The following PDGFB variants were observed in gnomAD, a reference collection of about 807,000 sequenced individuals.
PDGFB encodes platelet derived growth factor subunit B, also known as platelet-derived growth factor subunit B.
PDGFB carries 6 observed loss-of-function variants against 29.0 expected under a neutral mutation model. The observed-to-expected ratio is 0.21, with a 90% CI of 0.11 to 0.41. PDGFB has a LOEUF of 0.41. Among genes scored for constraint, PDGFB ranks in the 10% least tolerant of loss-of-function variants. PDGFB has a pLI of 1.00. For synonymous variants in PDGFB, 144 were observed against 140.8 expected (o/e 1.02, Z -0.16); for missense variants, 299 against 341.8 (o/e 0.87, Z 0.99).
chr22:39,239,738 C>T (rs1050853921), intron 1 of PDGFB, among the ~76,000 whole-genome samples: 2 of 152,220 alleles, frequency 1.3e-5, no homozygotes, highest in Admixed American at 6.5e-5. Flanking sequence ...CCGCCCCCAG[C>T]GCCAGCTGCA....
chr22:39,243,246 C>T lies in PDGFB; in HGVS notation c.63+655G>A, dbSNP rs1223090083. 1.6e-5 allele frequency among the ~76,000 whole-genome samples: 2 copies of T among 121,540 alleles called. No individual in the cohort carries two copies. The highest frequency in any genetic ancestry group is 5.7e-4 in the East Asian group (2 of 3,494). 79.7% of individuals were successfully genotyped at this position (121,540 alleles called of 152,430 possible). A position where few individuals can be genotyped will look rare whatever the true frequency, so the allele number is the denominator to read the frequency against. ...TCTCTCCCTCTCTCTCTCCGTCTCT[C>T]TCTCCGTCTCTCTCTCTCTCTCTCT... is the stretch of plus-strand genomic sequence containing the variant. On this transcript the variant is annotated intron_variant, in intron 1 of 6. Coordinates refer to ENST00000331163, the MANE Select transcript of PDGFB (RefSeq NM_002608.4). The surrounding 1 kb of genome is among the most constrained non-coding windows in gnomAD (Gnocchi z 6.4).
intron 3 of PDGFB, among the ~76,000 whole-genome samples, 177 bp downstream of exon 3, chr22:39,233,258 A>G (rs903685421): frequency 6.6e-6 from 1 of 152,146 alleles, no homozygotes; most frequent in African/African-American, 2.4e-5. Context: ...GGCTGTGATG[A>G]CTGAACACAG....
At chr22:39,234,269 T>C (rs1382198623) in intron 2 of PDGFB, among the ~76,000 whole-genome samples, 1 of 152,184 alleles carries the variant, frequency 6.6e-6, no homozygotes, top group Non-Finnish European at 1.5e-5. Flanking sequence ...CTCCCTTTTC[T>C]AGCCTGGGCA....
rs114630100 is a variant in PDGFB, at chr22:39,224,975, G to A, written c.*367C>T. Reference sequence around the variant, plus strand: ...AGGGCTCCTCAGGACAGTCCACAGCGCTCAGGTGTGGCCCAGGCCAGGTGC... The same window carrying A: ...AGGGCTCCTCAGGACAGTCCACAGCACTCAGGTGTGGCCCAGGCCAGGTGC... On this transcript the variant is annotated 3_prime_UTR_variant, in exon 7 of 7. Coordinates refer to ENST00000331163, the MANE Select transcript of PDGFB (RefSeq NM_002608.4). 7.8e-3 allele frequency: 1,200 copies of A among 153,106 alleles called. 7 individuals are homozygous for A. Among genetic ancestry groups the A allele is most frequent in the Middle Eastern group, 0.02 (6 of 298 alleles). The allele number at this position is 153,106 out of a possible 1,614,324, so 9.5% of individuals were successfully genotyped here. A position where few individuals can be genotyped will look rare whatever the true frequency, so the allele number is the denominator to read the frequency against.
rs1347158685 is a variant in PDGFB, at chr22:39,242,274, G to C, written c.63+1627C>G. 1 of 211,830 alleles carries C rather than the reference G, an allele frequency of 4.7e-6. No homozygotes were observed. The highest frequency in any genetic ancestry group is 9.6e-6 in the Non-Finnish European group (1 of 104,568). 13.1% of individuals were successfully genotyped at this position (211,830 alleles called of 1,614,324 possible). A position where few individuals can be genotyped will look rare whatever the true frequency, so the allele number is the denominator to read the frequency against. The stretch of plus-strand genomic sequence containing the variant: ...CCCGCCGGAGCGCAGCATCGCCTCC[G>C]GCCAGGAGTGTGCATGCGTGGGGTG... On this transcript the variant is annotated intron_variant, in intron 1 of 6. Transcript: ENST00000331163. The surrounding 1 kb of genome is among the most constrained non-coding windows in gnomAD (Gnocchi z 5.7).
chr22:39,225,980 T>A, intron 5 of PDGFB, 133 bp from the exon 6 acceptor site: 1 of 1,014,278 alleles, frequency 9.9e-7, no homozygotes, highest in Non-Finnish European at 1.4e-6. Context: ...GGGTCCTGGG[T>A]TTGGATCCCA....
Position 39,243,763 on chromosome 22 carries a change from A to G in PDGFB, c.63+138T>C. On this transcript the variant is annotated intron_variant, in intron 1 of 6. Transcript: ENST00000331163. This position sits in a 1 kb window ranked among gnomAD's most constrained non-coding sequence, Gnocchi z 6.4. ...CCCCCGGACCTCGCTCCCAGCCCGAAGAGGTCACCCAGCGCCCGGCGTCAG... is the reference window on the plus strand; with the variant it reads ...CCCCCGGACCTCGCTCCCAGCCCGAGGAGGTCACCCAGCGCCCGGCGTCAG... The G allele has an allele frequency of 1.7e-6, 1 of 605,678 alleles. No homozygotes were observed. The highest frequency in any genetic ancestry group is 2.9e-6 in the Non-Finnish European group (1 of 348,148). 37.5% of individuals were successfully genotyped at this position (605,678 alleles called of 1,614,324 possible).
In PDGFB at chr22:39,241,551, C is replaced by T. The variant is rs375126967; in HGVS notation, c.63+2350G>A. 7.1e-4 allele frequency among the ~76,000 whole-genome samples: 108 copies of T among 152,370 alleles called. 1 individual carries two copies. Among genetic ancestry groups the T allele is most frequent in the African/African-American group, 2.5e-3 (106 of 41,592 alleles). On this transcript the variant is annotated intron_variant, in intron 1 of 6. Transcript: ENST00000331163. ...GAGAAAGGCAGTTTCTGTGCCACAG[C>T]CTCCACCCCAGATACACGAGCCCGT...
In PDGFB at chr22:39,233,523, C is replaced by T; in HGVS notation, c.162G>A (p.Glu54=). 6.3e-7 allele frequency: 1 copy of T among 1,585,800 alleles called. No individual in the cohort carries two copies. Among genetic ancestry groups the T allele is most frequent in the Non-Finnish European group, 8.6e-7 (1 of 1,168,026 alleles). ...LQRLLHGDPG[E]EDGAELDLNM... The stretch of plus-strand genomic sequence containing the variant: ...TCAGGTCCAACTCGGCCCCATCTTC[C>T]TCTGCAGGAGAAGTCACAGTCAGAC... Residue 54 remains glutamate, a splice_region_variant and synonymous_variant, in exon 3 of 7, where the codon GAG becomes GAA. Transcript: ENST00000331163.
intron 1 of PDGFB, among the ~76,000 whole-genome samples, chr22:39,240,506 G>GT (rs869226036): frequency 1.7e-4 from 6 of 35,578 alleles, no homozygotes; most frequent in Non-Finnish European, 4.6e-4. Flanking sequence ...CTCTCAAGAT[G>GT]GGGGGCTTTG....
At chr22:39,236,496 C>T (rs573252902) in intron 1 of PDGFB, among the ~76,000 whole-genome samples, 7 of 152,226 alleles carry the variant, frequency 4.6e-5, no homozygotes, top group Non-Finnish European at 1.0e-4. Context: ...CGGACACGGC[C>T]GGGAAACCTG....
intron 5 of PDGFB, among the ~76,000 whole-genome samples, chr22:39,228,519 G>A (rs1317863194): frequency 6.6e-6 from 1 of 151,978 alleles, no homozygotes; most frequent in Non-Finnish European, 1.5e-5. Flanking sequence ...AGCCCAGGAA[G>A]GAGTTCAAGG....
chr22:39,228,426 A>C (rs1932217281), intron 5 of PDGFB, among the ~76,000 whole-genome samples: 1 of 151,578 alleles, frequency 6.6e-6, no homozygotes, highest in Admixed American at 6.6e-5. Context: ...TCATCTCTAC[A>C]AAAACTTAAA....
Position 39,235,889 on chromosome 22 carries a change from C to A in PDGFB, c.64-15G>T, listed in dbSNP as rs1345811839. ...ATGGGGTCCCCCTGCCGGGCAGACA[C>A]CAAAAGGCTGAGTGAGCTGGGAGTG... is the stretch of plus-strand genomic sequence containing the variant. On this transcript the variant is annotated splice_polypyrimidine_tract_variant and intron_variant, in intron 1 of 6. Transcript: ENST00000331163. 1.9e-6 allele frequency: 3 copies of A among 1,590,230 alleles called. No homozygotes were observed. The Admixed American group carries it at 5.0e-5, about 27-fold the overall frequency.
At chr22:39,229,238 G>A (rs1020244382) in intron 5 of PDGFB, among the ~76,000 whole-genome samples, 6 of 152,086 alleles carry the variant, frequency 3.9e-5, no homozygotes, top group African/African-American at 1.4e-4. Flanking sequence ...CCAGGCTGGA[G>A]TGCAGTGGTG....
At position 39,229,332 on chromosome 22, in the gene PDGFB, G is replaced by A. The variant is rs149277621; in HGVS notation, c.601+752C>T. On this transcript the variant is annotated intron_variant, in intron 5 of 6. Transcript: ENST00000331163. The stretch of plus-strand genomic sequence containing the variant: ...CTCCTAAGTAGCTGAGACTACAGGC[G>A]TGTGCCGCTATGCCTGGCTAATTTT... Among the ~76,000 whole-genome samples, 10 of 152,250 alleles carry A rather than the reference G, an allele frequency of 6.6e-5. No homozygotes were observed. The East Asian group carries it at 7.7e-4, about 12-fold the overall frequency.
intron 1 of PDGFB, among the ~76,000 whole-genome samples, chr22:39,237,002 G>C (rs911328208): frequency 6.6e-6 from 1 of 152,142 alleles, no homozygotes; most frequent in Non-Finnish European, 1.5e-5. Context: ...ATTAAGAAGG[G>C]AGGACTTCCC....
intron 1 of PDGFB, among the ~76,000 whole-genome samples, chr22:39,240,347 CTCTT>C (rs1321230268): frequency 6.6e-6 from 1 of 152,042 alleles, no homozygotes; most frequent in Non-Finnish European, 1.5e-5. Flanking sequence ...TCTTCTCTCT[CTCTT>C]TTTTTTTTTA....
At position 39,243,780 on chromosome 22, in the gene PDGFB, C is replaced by T. The variant is rs1434195461; in HGVS notation, c.63+121G>A. 5.6e-6 allele frequency: 4 copies of T among 711,556 alleles called. No homozygotes were observed. The highest frequency in any genetic ancestry group is 6.8e-6 in the Non-Finnish European group (3 of 441,412). The allele number at this position is 711,556 out of a possible 1,614,324, so 44.1% of individuals were successfully genotyped here. The stretch of plus-strand genomic sequence containing the variant: ...CAGCCCGAAGAGGTCACCCAGCGCC[C>T]GGCGTCAGGCTCGCGGGCTGCAAGG... On this transcript the variant is annotated intron_variant, in intron 1 of 6. Transcript: ENST00000331163. This position sits in a 1 kb window ranked among gnomAD's most constrained non-coding sequence, Gnocchi z 6.4.
Sources: allele counts gnomAD v4.1 joint callset (sites outside exome capture counted in the v4.1 genomes callset), GRCh38; gene constraint gnomAD v4.1.1; non-coding constraint Gnocchi (gnomAD v3.1); transcripts MANE v1.5; gene names NCBI Gene and HGNC (gene_info 2026-07-23, HGNC 2026-07-21).